Variants in PAPPA2 observed in about 807,000 individuals in gnomAD.
The protein encoded by PAPPA2 is pappalysin-2.
A neutral mutation model predicts 176.4 loss-of-function variants in PAPPA2; 86 were observed. The observed-to-expected ratio is 0.49, with a 90% CI of 0.41 to 0.58. The LOEUF is 0.58. PAPPA2 is among the 20% of genes least tolerant of loss of function. The pLI is 0.00. For missense variants in PAPPA2, 2,073 were observed against 2,256.9 expected (o/e 0.92, Z 1.65); for synonymous variants, 809 against 852.2 (o/e 0.95, Z 0.88).
intron 3 of PAPPA2, among the ~76,000 whole-genome samples, chr1:176,635,303 T>A (rs1293401655): frequency 1.3e-5 from 2 of 152,178 alleles, no homozygotes; most frequent in East Asian, 3.8e-4. Context: ...TGGGCTGATA[T>A]TTTTCTTCTC....
intron 1 of PAPPA2, among the ~76,000 whole-genome samples, chr1:176,539,475 C>T (rs1650254031): frequency 6.6e-6 from 1 of 152,186 alleles, no homozygotes; most frequent in African/African-American, 2.4e-5. Flanking sequence ...GTTGTCCCGG[C>T]TCTGTTCTAG....
At chr1:176,662,215 C>T (rs1658396285) in intron 3 of PAPPA2, among the ~76,000 whole-genome samples, 1 of 152,164 alleles carries the variant, frequency 6.6e-6, no homozygotes, top group African/African-American at 2.4e-5. Context: ...CACTTTACCT[C>T]TGAAAGCCTT....
intron 10 of PAPPA2, among the ~76,000 whole-genome samples, chr1:176,708,001 C>T (rs1660954358): frequency 1.3e-5 from 2 of 152,108 alleles, no homozygotes; most frequent in African/African-American, 2.4e-5. Context: ...CCGAATACAT[C>T]GAACCGATTA....
At chr1:176,624,949 C>T (rs1655922724) in intron 3 of PAPPA2, among the ~76,000 whole-genome samples, 1 of 152,128 alleles carries the variant, frequency 6.6e-6, no homozygotes, top group African/African-American at 2.4e-5. Flanking sequence ...AATAAGCAGC[C>T]AAGGACACTG....
chr1:176,579,857 G>A (rs1017774304), intron 2 of PAPPA2, among the ~76,000 whole-genome samples: 2 of 152,142 alleles, frequency 1.3e-5, no homozygotes, highest in African/African-American at 2.4e-5. Context: ...AGAGTGGCAC[G>A]TGTGCAGCAT....
intron 3 of PAPPA2, chr1:176,616,387 G>A (rs1204972305): frequency 1.7e-6 from 1 of 598,262 alleles, no homozygotes; most frequent in Non-Finnish European, 3.2e-6. Context: ...CTCCGCTTTT[G>A]TCCTATGAAT....
At chr1:176,568,923 C>CA (rs1399710383) in intron 2 of PAPPA2, among the ~76,000 whole-genome samples, 3 of 152,210 alleles carry the variant, frequency 2.0e-5, no homozygotes, top group African/African-American at 7.2e-5. Flanking sequence ...TTCCTGCCTA[C>CA]AACCATCAGA....
chr1:176,610,353 G>A (rs977910024), intron 3 of PAPPA2, among the ~76,000 whole-genome samples: 17 of 149,702 alleles, frequency 1.1e-4, no homozygotes, highest in African/African-American at 3.9e-4. Flanking sequence ...GTGGGGGGGG[G>A]GAGTAGGATT....
intron 6 of PAPPA2, among the ~76,000 whole-genome samples, chr1:176,693,562 G>A (rs1660223057): frequency 6.6e-6 from 1 of 152,216 alleles, no homozygotes; most frequent in African/African-American, 2.4e-5. Flanking sequence ...GAAAGCCTAG[G>A]GAGAGAGGCA....
chr1:176,475,186 A>C (rs1048476115), intron 1 of PAPPA2, among the ~76,000 whole-genome samples: 5 of 152,170 alleles, frequency 3.3e-5, no homozygotes, highest in Non-Finnish European at 7.3e-5. Context: ...CTCATCTAAA[A>C]CAAGTGCAAT....
intron 1 of PAPPA2, among the ~76,000 whole-genome samples, chr1:176,491,685 G>A (rs114892001): frequency 0.058 from 8,906 of 152,274 alleles, 289 homozygotes; most frequent in African/African-American, 0.068. Flanking sequence ...GACATCAAAA[G>A]AGAACAGTAT....
intron 2 of PAPPA2, 90 bp downstream of exon 2, chr1:176,557,331 G>C (rs1651379426): frequency 7.0e-7 from 1 of 1,421,176 alleles, no homozygotes; most frequent in African/African-American, 1.4e-5. Flanking sequence ...AGGATGGGAA[G>C]GGGACCCAAC....
rs1208316612 is a variant in PAPPA2, at chr1:176,844,009, A to ATTTAT, written c.*1556_*1557insTTATT. The ATTTAT allele has an allele frequency of 5.3e-5, 8 of 152,178 alleles. No homozygotes were observed. The allele number at this position is 152,178 out of a possible 1,614,324, so 9.4% of individuals were successfully genotyped here. A position where few individuals can be genotyped will look rare whatever the true frequency, so the allele number is the denominator to read the frequency against. On this transcript the variant is annotated 3_prime_UTR_variant, in exon 23 of 23. Transcript: ENST00000367662. The stretch of plus-strand genomic sequence containing the variant: ...TAGATGGAATGCACATGAAATGACC[A>ATTTAT]TATTAAGCCTCTCTCTATTTACATC...
chr1:176,638,023 G>A (rs958970156), intron 3 of PAPPA2, among the ~76,000 whole-genome samples: 14 of 152,082 alleles, frequency 9.2e-5, no homozygotes, highest in African/African-American at 2.9e-4. Flanking sequence ...AATTATCTTA[G>A]TGTCATCCCA....
intron 1 of PAPPA2, among the ~76,000 whole-genome samples, chr1:176,520,956 AAAAAT>A (rs1558414836): frequency 1.3e-5 from 2 of 152,168 alleles, no homozygotes; most frequent in Non-Finnish European, 2.9e-5. Flanking sequence ...TTCTAAATAA[AAAAAT>A]AAAATAAAAA....
chr1:176,715,392 A>G (rs1325880383), intron 12 of PAPPA2, among the ~76,000 whole-genome samples: 2 of 152,172 alleles, frequency 1.3e-5, no homozygotes, highest in Non-Finnish European at 2.9e-5. Context: ...CTTCTAAAGA[A>G]CAAGGAGAGT....
At chr1:176,640,545 T>C (rs1448287136) in intron 3 of PAPPA2, among the ~76,000 whole-genome samples, 1 of 151,898 alleles carries the variant, frequency 6.6e-6, no homozygotes, top group East Asian at 1.9e-4. Flanking sequence ...CTGCATAGTA[T>C]TCCATGGTGT....
In PAPPA2 at chr1:176,658,225, A is replaced by C. The variant is rs918341509; in HGVS notation, c.1992-12745A>C. Among the ~76,000 whole-genome samples, 3 of 151,942 alleles carry C rather than the reference A, an allele frequency of 2.0e-5. No individual in the cohort carries two copies. In the South Asian group the frequency reaches 6.2e-4, roughly 32 times the overall value. The stretch of plus-strand genomic sequence containing the variant: ...AATCTAAGTTCTTTATTGTGTAATA[A>C]AGGGTATCAAGAGTAAACAGAGGAA... On this transcript the variant is annotated intron_variant, in intron 3 of 22. Coordinates refer to ENST00000367662, the MANE Select transcript of PAPPA2 (RefSeq NM_020318.3).
chr1:176,656,946 G>C (rs1658069476), intron 3 of PAPPA2, among the ~76,000 whole-genome samples: 1 of 151,702 alleles, frequency 6.6e-6, no homozygotes, highest in Non-Finnish European at 1.5e-5. Flanking sequence ...AGAGGTGAGG[G>C]GGACATACTC....
Sources: gnomAD v4.1 joint callset for allele counts (sites outside exome capture counted in the v4.1 genomes callset) on GRCh38, gnomAD v4.1.1 for gene constraint, MANE v1.5 for transcripts, NCBI Gene and HGNC (gene_info 2026-07-23, HGNC 2026-07-21) for gene names.